TMEM101: variants seen among roughly 807,000 people sequenced by gnomAD.
TMEM101 encodes the protein transmembrane protein 101, also known as putative NF-kappa-B-activating protein 130.
A neutral mutation model predicts 26.0 loss-of-function variants in TMEM101; 14 were observed. The observed-to-expected ratio is 0.54, with a 90% CI of 0.36 to 0.84. The LOEUF is 0.84. TMEM101 is among the 40% of genes least tolerant of loss of function. TMEM101 has a pLI of 0.01. For missense variants in TMEM101, 292 were observed against 345.1 expected, an observed-to-expected ratio of 0.85 and a Z score of 1.22; for synonymous variants, 152 against 145.1, an observed-to-expected ratio of 1.05 and a Z score of -0.34.
At position 44,012,065 on chromosome 17, in the gene TMEM101, G is replaced by A; in HGVS notation, c.637C>T (p.Pro213Ser). Residue 213 changes from proline (P) to serine (S), a missense_variant, in exon 4 of 4, where the codon CCT becomes TCT. Physicochemically the swap from Pro to Ser is moderately conservative, Grantham distance 74. This residue lies in a region of TMEM101 where 149 missense variants were observed against 211.9 expected (regional missense o/e 0.70). Transcript: ENST00000206380. ...TTGCCATCAATGAGCAGCATGACAG[G>A]GGGCAGCAGTACAGCCAGGATCTGG... The part of the protein sequence containing the change: ...AAQILAVLLP[P>S]VMLLIDGNVA... The A allele has an allele frequency of 6.2e-7, 1 of 1,614,228 alleles. No homozygotes were observed. The highest frequency in any genetic ancestry group is 8.5e-7 in the Non-Finnish European group (1 of 1,180,046).
At chr17:44,019,114 C>T, upstream of TMEM101, 1 of 216,230 alleles carries the variant, frequency 4.6e-6, no homozygotes, top group South Asian at 5.4e-5. Context: ...CATACAATAC[C>T]TTTAAGGGTA....
rs1403998380 is a variant in TMEM101 at position 44,014,385 on chromosome 17, C to T, written c.290G>A (p.Gly97Asp). The T allele has an allele frequency of 2.6e-6, 4 of 1,554,144 alleles. No homozygotes were observed. Among genetic ancestry groups the T allele is most frequent in the African/African-American group, 1.4e-5 (1 of 73,334 alleles). ...CAGCCAGTCCCCGTAGTGGACGTAG[C>T]CCCCGATGTAGGCGGCGTAGGTGCT... is the stretch of plus-strand genomic sequence containing the variant. The part of the protein sequence containing the change: ...AISTYAAYIG[G>D]YVHYGDWLKV... Residue 97 changes from glycine to aspartate, a missense_variant, in exon 2 of 4, where the codon GGC (glycine) becomes GAC (aspartate). This residue lies in a region of TMEM101 where 143 missense variants were observed against 133.2 expected (regional missense o/e 1.07). Coordinates refer to ENST00000206380, the MANE Select transcript of TMEM101 (RefSeq NM_032376.4).
upstream of TMEM101, among the ~76,000 whole-genome samples, chr17:44,015,335 C>A (rs185512225): frequency 6.6e-6 from 1 of 152,284 alleles, no homozygotes; most frequent in African/African-American, 2.4e-5. Context: ...TGAGACTCAT[C>A]ATGAAATGGG....
upstream of TMEM101, among the ~76,000 whole-genome samples, chr17:44,016,695 A>C: frequency 6.6e-6 from 1 of 152,312 alleles, no homozygotes; most frequent in East Asian, 1.9e-4. Context: ...TTGTAAGAGA[A>C]ATACAGTTTC....
At chr17:44,016,933 G>A (rs2049238087), upstream of TMEM101, among the ~76,000 whole-genome samples, 1 of 151,932 alleles carries the variant, frequency 6.6e-6, no homozygotes, top group African/African-American at 2.4e-5. Flanking sequence ...AGGAGTTCAA[G>A]ACCAGCCTGG....
chr17:44,019,914 G>C (rs1468162450), upstream of TMEM101, among the ~76,000 whole-genome samples: 5 of 152,100 alleles, frequency 3.3e-5, no homozygotes, highest in East Asian at 9.6e-4. Flanking sequence ...TGCAGTAAGG[G>C]GCAAACCTTT....
intron 2 of TMEM101, among the ~76,000 whole-genome samples, chr17:44,013,554 G>C (rs1405451558): frequency 2.6e-5 from 4 of 152,206 alleles, no homozygotes; most frequent in African/African-American, 9.6e-5. Flanking sequence ...AACTACTTGG[G>C]AGACTGAGGC....
rs760001507 is a variant in TMEM101, at chr17:44,012,113, C to T, written c.589G>A (p.Gly197Ser). ...TGGGCAGCGAGGGTCACGTAGTAGC[C>T]TGACAGAAAGGCCAGGGCCAGGATG... ...YGILALAFLS[G>S]YYVTLAAQIL... The change falls in exon 4 of 4, where the codon GGC becomes AGC. Residue 197 changes from glycine to serine, a missense_variant. Gly to Ser is a moderately conservative substitution (Grantham distance 56, BLOSUM62 0). Transcript: ENST00000206380. The T allele has an allele frequency of 1.2e-6, 2 of 1,614,238 alleles. No homozygotes were observed. The highest frequency in any genetic ancestry group is 1.1e-5 in the South Asian group (1 of 91,090).
upstream of TMEM101, among the ~76,000 whole-genome samples, chr17:44,018,669 G>C (rs2049256818): frequency 6.6e-6 from 1 of 152,168 alleles, no homozygotes; most frequent in Non-Finnish European, 1.5e-5. Context: ...ATAGTCCTAG[G>C]AGTCTGCCTG....
At chr17:44,014,633 C>G in intron 1 of TMEM101, 96 bp from the exon 2 acceptor site, 1 of 1,518,748 alleles carries the variant, frequency 6.6e-7, no homozygotes, top group Non-Finnish European at 9.0e-7. Context: ...CACTGCTCCC[C>G]CAAACCAGAC....
upstream of TMEM101, chr17:44,019,376 C>T (rs530719928): frequency 3.7e-5 from 16 of 432,356 alleles, no homozygotes; most frequent in African/African-American, 2.2e-4. Flanking sequence ...GAGTCGGCCA[C>T]TCGTCCGTGC....
intron 2 of TMEM101, among the ~76,000 whole-genome samples, chr17:44,013,838 T>C (rs1234755716): frequency 6.6e-6 from 1 of 152,190 alleles, no homozygotes; most frequent in Non-Finnish European, 1.5e-5. Context: ...GCCCTGTAGC[T>C]GTTCACACAT....
chr17:44,018,907 C>G (rs228782), upstream of TMEM101, among the ~76,000 whole-genome samples: 81,861 of 151,904 alleles, frequency 0.54, 23,180 homozygotes, highest in Middle Eastern at 0.76. Flanking sequence ...AGGGAAGGAC[C>G]TGGGGCCAAA....
chr17:44,017,593 CAA>C (rs1242207636), upstream of TMEM101, among the ~76,000 whole-genome samples: 1 of 75,168 alleles, frequency 1.3e-5, no homozygotes, highest in Admixed American at 1.4e-4. Context: ...GACAACATCT[CAA>C]AAAAAAAAAA....
intron 1 of TMEM101, 95 bp from the exon 2 acceptor site, chr17:44,014,632 C>A: frequency 6.6e-7 from 1 of 1,522,384 alleles, no homozygotes; most frequent in East Asian, 2.3e-5. Context: ...CCACTGCTCC[C>A]CCAAACCAGA....
At chr17:44,012,804 AAC>A in intron 3 of TMEM101, 1 of 460,936 alleles carries the variant, frequency 2.2e-6, no homozygotes, top group Non-Finnish European at 3.7e-6. Flanking sequence ...ACCTCGTGGC[AAC>A]ACTGTTGGAG....
At chr17:44,015,377 T>G (rs1436166636), upstream of TMEM101, among the ~76,000 whole-genome samples, 1 of 68,650 alleles carries the variant, frequency 1.5e-5, no homozygotes, top group Middle Eastern at 7.9e-3. Context: ...GTTGTGAACT[T>G]TTTTTTTCTT....
rs147553916 is a variant in TMEM101, at chr17:44,020,019, T to C, written c.-210+1303A>G. Among the ~76,000 whole-genome samples the C allele has an allele frequency of 4.9e-4, 74 of 152,328 alleles. 1 individual carries two copies. Among genetic ancestry groups the C allele is most frequent in the African/African-American group, 1.8e-3 (73 of 41,566 alleles). On this transcript the variant is annotated intron_variant, in intron 2 of 4. Coordinates refer to the TMEM101 transcript ENST00000585950. The stretch of plus-strand genomic sequence containing the variant: ...TTATCTGATTACAACATAAGTTCCA[T>C]GCTACTATCATTAAGAGCTTTTTCT...
intron 1 of TMEM101, 31 bp from the exon 2 acceptor site, chr17:44,014,568 A>G: frequency 6.4e-7 from 1 of 1,566,256 alleles, no homozygotes; most frequent in Non-Finnish European, 8.7e-7. Context: ...AGCAACGAGG[A>G]CAGAATGAAG....
Sources: gnomAD v4.1 joint callset for allele counts (sites outside exome capture counted in the v4.1 genomes callset) on GRCh38, gnomAD v4.1.1 for gene constraint, gnomAD v4.1.1 regional missense constraint, MANE v1.5 for transcripts, NCBI Gene and HGNC (gene_info 2026-07-23, HGNC 2026-07-21) for gene names.